The following EPHA6 variants were observed in gnomAD, a reference collection of about 807,000 sequenced individuals.
The protein encoded by EPHA6 is EPH receptor A6.
EPHA6 carries 50 observed loss-of-function variants against 112.0 expected under a neutral mutation model. The ratio of observed to expected loss-of-function variants is 0.45; its 90% CI spans 0.36 to 0.56. The LOEUF (loss-of-function observed/expected upper bound fraction) is 0.56, where lower values mean the gene tolerates loss of function less well. EPHA6 is among the 20% of genes least tolerant of loss of function. The pLI, the probability that EPHA6 is intolerant of heterozygous loss-of-function variation, is 0.00. For synonymous variants in EPHA6, 529 were observed against 490.7 expected, an observed-to-expected ratio of 1.08 and a Z score of -1.03; for missense variants, 1,280 against 1,417.4, an observed-to-expected ratio of 0.90 and a Z score of 1.56.
chr3:97,714,920 C>T (rs2034145616), intron 14 of EPHA6, among the ~76,000 whole-genome samples: 1 of 152,152 alleles, frequency 6.6e-6, no homozygotes, highest in South Asian at 2.1e-4. Context: ...ATAAGCTTTC[C>T]AAATAACCAA....
chr3:97,601,351 G>A (rs2093641646), intron 12 of EPHA6, among the ~76,000 whole-genome samples: 1 of 151,988 alleles, frequency 6.6e-6, no homozygotes, highest in African/African-American at 2.4e-5. Flanking sequence ...ACCTTAATTG[G>A]GAACATAATA....
intron 10 of EPHA6, among the ~76,000 whole-genome samples, chr3:97,484,804 T>C (rs1000493827): frequency 2.0e-5 from 3 of 152,204 alleles, no homozygotes; most frequent in African/African-American, 7.2e-5. Flanking sequence ...CTCCTGTAAA[T>C]GACCAAAGCT....
chr3:97,356,431 A>G (rs2084081983), intron 5 of EPHA6, among the ~76,000 whole-genome samples: 1 of 152,238 alleles, frequency 6.6e-6, no homozygotes, highest in Admixed American at 6.5e-5. Flanking sequence ...ATTGTCTTCC[A>G]TAAAACCAGT....
At chr3:97,403,841 T>C (rs1577259389) in intron 5 of EPHA6, among the ~76,000 whole-genome samples, 1 of 152,242 alleles carries the variant, frequency 6.6e-6, no homozygotes, top group Admixed American at 6.5e-5. Flanking sequence ...TCTAACCTTG[T>C]AGTGTTTATC....
intron 10 of EPHA6, among the ~76,000 whole-genome samples, chr3:97,516,143 C>T (rs1461335940): frequency 3.3e-5 from 5 of 152,178 alleles, no homozygotes; most frequent in African/African-American, 1.2e-4. Flanking sequence ...ACACATTAAT[C>T]TGTATCTCTC....
intron 3 of EPHA6, among the ~76,000 whole-genome samples, chr3:97,010,721 C>T (rs2226991): frequency 0.013 from 1,999 of 152,064 alleles, 44 homozygotes; most frequent in African/African-American, 0.044. Context: ...AGTGCGGTAG[C>T]GATCTCGGCA....
chr3:97,640,977 A>T (rs1217439328), intron 14 of EPHA6, among the ~76,000 whole-genome samples: 3 of 152,168 alleles, frequency 2.0e-5, no homozygotes, highest in Admixed American at 6.5e-5. Flanking sequence ...TGTTCATTAT[A>T]TGTTCATTAT....
chr3:97,405,542 TAAG>T (rs1265773423), intron 6 of EPHA6, among the ~76,000 whole-genome samples: 2 of 152,048 alleles, frequency 1.3e-5, no homozygotes, highest in African/African-American at 4.8e-5. Context: ...TATAATATTG[TAAG>T]AAGAAGTAAC....
intron 11 of EPHA6, among the ~76,000 whole-genome samples, chr3:97,551,208 C>G (rs761534057): frequency 6.6e-6 from 1 of 152,082 alleles, no homozygotes; most frequent in Non-Finnish European, 1.5e-5. Flanking sequence ...CTTTATATTC[C>G]CCCACATTAT....
chr3:97,168,443 T>G (rs1258688268), intron 3 of EPHA6, among the ~76,000 whole-genome samples: 2 of 152,134 alleles, frequency 1.3e-5, no homozygotes, highest in Admixed American at 6.6e-5. Flanking sequence ...GATAGAGTTC[T>G]CAGGAGATCT....
intron 5 of EPHA6, among the ~76,000 whole-genome samples, chr3:97,402,543 G>T (rs1184573488): frequency 1.3e-5 from 2 of 152,008 alleles, no homozygotes; most frequent in Non-Finnish European, 2.9e-5. Context: ...AGTGAAATGA[G>T]TTTCTTGTAA....
intron 3 of EPHA6, among the ~76,000 whole-genome samples, chr3:97,079,257 A>G (rs2046638834): frequency 6.6e-6 from 1 of 152,170 alleles, no homozygotes; most frequent in Non-Finnish European, 1.5e-5. Context: ...ACCATGGGAT[A>G]CTGTACAGCC....
chr3:97,056,482 T>G (rs2045857139), intron 3 of EPHA6, among the ~76,000 whole-genome samples: 1 of 152,210 alleles, frequency 6.6e-6, no homozygotes, highest in Non-Finnish European at 1.5e-5. Flanking sequence ...TCTTCTAGTT[T>G]GACCTTCTCC....
At chr3:96,816,173 A>C (rs1375216834) in intron 1 of EPHA6, among the ~76,000 whole-genome samples, 1 of 152,192 alleles carries the variant, frequency 6.6e-6, no homozygotes, top group Non-Finnish European at 1.5e-5. Flanking sequence ...TTACTTAGAA[A>C]TGTTCAGAAT....
intron 1 of EPHA6, among the ~76,000 whole-genome samples, chr3:96,860,783 C>A (rs2035963932): frequency 6.6e-6 from 1 of 151,944 alleles, no homozygotes; most frequent in Admixed American, 6.6e-5. Context: ...CTATTTAATC[C>A]CTGAGTAATT....
intron 6 of EPHA6, among the ~76,000 whole-genome samples, chr3:97,428,878 T>C (rs1394681751): frequency 1.3e-5 from 2 of 152,160 alleles, no homozygotes; most frequent in South Asian, 2.1e-4. Flanking sequence ...TTTCTCAGGC[T>C]TGCAGTGCCA....
At chr3:97,620,958 G>A (rs746521221) in intron 13 of EPHA6, among the ~76,000 whole-genome samples, 26 of 151,908 alleles carry the variant, frequency 1.7e-4, no homozygotes, top group Non-Finnish European at 3.2e-4. Context: ...AAACACACAC[G>A]CATGCATATA....
chr3:97,019,914 A>G (rs891146333), intron 3 of EPHA6, among the ~76,000 whole-genome samples: 2 of 152,126 alleles, frequency 1.3e-5, no homozygotes, highest in Admixed American at 1.3e-4. Flanking sequence ...CATTGGTCCC[A>G]GTTTTTCATT....
rs558580261 is a variant in EPHA6, at chr3:97,178,313, A to G, written c.1115-47951A>G. 5.9e-5 allele frequency among the ~76,000 whole-genome samples: 9 copies of G among 152,186 alleles called. No homozygotes were observed. The South Asian group carries it at 1.7e-3, about 28-fold the overall frequency. On this transcript the variant is annotated intron_variant, in intron 3 of 17. Transcript: ENST00000389672. ...TCTTACGGTATTCACTATGTCCTGAAAAGTTGTAATAGTTATTGTTTTTGA... is the reference window on the plus strand; with the variant it reads ...TCTTACGGTATTCACTATGTCCTGAGAAGTTGTAATAGTTATTGTTTTTGA...
Sources: gnomAD v4.1 joint callset for allele counts (sites outside exome capture counted in the v4.1 genomes callset) on GRCh38, gnomAD v4.1.1 for gene constraint, MANE v1.5 for transcripts, NCBI Gene and HGNC (gene_info 2026-07-23, HGNC 2026-07-21) for gene names.